The following MCC variants were observed in gnomAD, a reference collection of about 807,000 sequenced individuals.
MCC encodes MCC regulator of Wnt signaling pathway.
In MCC, 90 loss-of-function variants were observed where a neutral mutation model predicts 116.2. The observed-to-expected ratio is 0.77, with a 90% confidence interval of 0.65 to 0.92. The LOEUF (loss-of-function observed/expected upper bound fraction) is 0.92, where lower values mean the gene tolerates loss of function less well. MCC is among the 40% of genes least tolerant of loss of function. The pLI is 0.00. For missense variants in MCC, 1,516 were observed against 1,312.2 expected (o/e 1.16, Z -2.40); for synonymous variants, 578 against 510.5 (o/e 1.13, Z -1.78).
At chr5:113,416,319 T>G (rs1770146237) in intron 1 of MCC, among the ~76,000 whole-genome samples, 1 of 152,148 alleles carries the variant, frequency 6.6e-6, no homozygotes, top group Non-Finnish European at 1.5e-5. Context: ...CTCAGGAGAC[T>G]GAAACAGGAG....
chr5:113,411,421 GT>G (rs945042164), intron 1 of MCC, among the ~76,000 whole-genome samples: 1 of 152,130 alleles, frequency 6.6e-6, no homozygotes, highest in African/African-American at 2.4e-5. Flanking sequence ...AGAAGTGTCT[GT>G]TCATATCCTT....
chr5:113,254,477 TGA>T (rs1227727271), intron 3 of MCC, among the ~76,000 whole-genome samples: 3 of 152,172 alleles, frequency 2.0e-5, no homozygotes, highest in Non-Finnish European at 4.4e-5. Flanking sequence ...ATTATAGTTT[TGA>T]GAGAATGAAG....
intron 3 of MCC, among the ~76,000 whole-genome samples, chr5:113,311,744 G>A (rs983597691): frequency 5.9e-5 from 9 of 151,916 alleles, no homozygotes; most frequent in Admixed American, 5.2e-4. Flanking sequence ...AGGCTGAGGC[G>A]GGTGGATCAC....
intron 3 of MCC, among the ~76,000 whole-genome samples, chr5:113,320,320 G>A (rs1334920671): frequency 6.6e-6 from 1 of 152,038 alleles, no homozygotes; most frequent in African/African-American, 2.4e-5. Context: ...AGCAGAGAGG[G>A]TAAGGGATCC....
chr5:113,463,941 C>T (rs1418119563), intron 1 of MCC, among the ~76,000 whole-genome samples: 2 of 152,020 alleles, frequency 1.3e-5, no homozygotes, highest in Non-Finnish European at 2.9e-5. Context: ...AAGGAATGAG[C>T]CAAAGAGGTG....
At chr5:113,221,371 C>A (rs1763546279) in intron 3 of MCC, among the ~76,000 whole-genome samples, 1 of 152,212 alleles carries the variant, frequency 6.6e-6, no homozygotes, top group Non-Finnish European at 1.5e-5. Context: ...TTCCTGGGCA[C>A]AGGACAAACT....
intron 3 of MCC, among the ~76,000 whole-genome samples, chr5:113,233,247 G>A (rs1253503063): frequency 1.3e-5 from 2 of 152,164 alleles, no homozygotes; most frequent in African/African-American, 4.8e-5. Context: ...GCAAATGTAT[G>A]TAACACCTAC....
intron 5 of MCC, among the ~76,000 whole-genome samples, chr5:113,124,993 G>A (rs866933899): frequency 6.6e-6 from 1 of 152,198 alleles, no homozygotes; most frequent in Admixed American, 6.5e-5. Flanking sequence ...TCACAAGTGT[G>A]GAATAGCACA....
At chr5:113,266,865 G>T (rs17135519) in intron 3 of MCC, among the ~76,000 whole-genome samples, 15,981 of 151,954 alleles carry the variant, frequency 0.11, 1,302 homozygotes, top group Admixed American at 0.25. Context: ...CAGGCTCAAG[G>T]GAACACAATG....
chr5:113,434,764 CT>C lies in MCC; in HGVS notation c.171-49553del, dbSNP rs763228867. 2 of 1,614,028 alleles carry C rather than the reference CT, an allele frequency of 1.2e-6. No homozygotes were observed. The highest frequency in any genetic ancestry group is 1.7e-6 in the Non-Finnish European group (2 of 1,179,922). The stretch of plus-strand genomic sequence containing the variant: ...AGGCGCTCAGAGTAAGCAGATTTTA[CT>C]TTTGCATAGGAGCCCTCTCCTAAAT... On this transcript the variant is annotated intron_variant, in intron 1 of 18. Transcript: ENST00000408903. The surrounding 1 kb of genome is among the most constrained non-coding windows in gnomAD (Gnocchi z 4.2).
intron 1 of MCC, among the ~76,000 whole-genome samples, chr5:113,450,207 G>T (rs930728224): frequency 2.0e-5 from 3 of 147,988 alleles, no homozygotes; most frequent in African/African-American, 8.0e-5. Context: ...AAACTGAGTT[G>T]GAGAGAAATA....
intron 3 of MCC, among the ~76,000 whole-genome samples, chr5:113,313,809 G>A (rs1288955485): frequency 6.7e-6 from 1 of 148,574 alleles, no homozygotes; most frequent in Non-Finnish European, 1.5e-5. Context: ...TCTGTTTTTT[G>A]TTTTGTTTTG....
At chr5:113,184,530 G>A (rs944492064) in intron 3 of MCC, among the ~76,000 whole-genome samples, 4 of 134,278 alleles carry the variant, frequency 3.0e-5, no homozygotes, top group African/African-American at 1.1e-4. Flanking sequence ...GCTCAGTGCT[G>A]AGATCATGGC....
chr5:113,160,464 GGTAGTGCT>G (rs1237491718), intron 3 of MCC, among the ~76,000 whole-genome samples: 1 of 152,196 alleles, frequency 6.6e-6, no homozygotes, highest in African/African-American at 2.4e-5. Flanking sequence ...TTATGAGATG[GGTAGTGCT>G]GTTATCTCCA....
chr5:113,326,724 T>G (rs1263413020), intron 3 of MCC, among the ~76,000 whole-genome samples: 1 of 152,220 alleles, frequency 6.6e-6, no homozygotes, highest in South Asian at 2.1e-4. Context: ...ACACTCTCTG[T>G]GTTATCTTCA....
chr5:113,236,713 C>T (rs1764144155), intron 3 of MCC, among the ~76,000 whole-genome samples: 1 of 152,074 alleles, frequency 6.6e-6, no homozygotes, highest in African/African-American at 2.4e-5. Flanking sequence ...AGCTGAACAC[C>T]TAGGTTAGGG....
At chr5:113,277,574 C>T (rs1765876955) in intron 3 of MCC, among the ~76,000 whole-genome samples, 1 of 152,016 alleles carries the variant, frequency 6.6e-6, no homozygotes, top group African/African-American at 2.4e-5. Context: ...TTCTTAAAAA[C>T]AATTTTAAAA....
chr5:113,218,473 G>A (rs1208171742), intron 3 of MCC, among the ~76,000 whole-genome samples: 1 of 152,196 alleles, frequency 6.6e-6, no homozygotes, highest in East Asian at 1.9e-4. Context: ...GGCAGAAGGT[G>A]GGTCAGAATA....
chr5:113,038,108 C>T (rs914860166), intron 17 of MCC, among the ~76,000 whole-genome samples: 2 of 151,990 alleles, frequency 1.3e-5, no homozygotes, highest in Non-Finnish European at 2.9e-5. Context: ...GACCTGCTGA[C>T]GAGAGGTAGG....
Sources: allele counts gnomAD v4.1 joint callset (sites outside exome capture counted in the v4.1 genomes callset), GRCh38; gene constraint gnomAD v4.1.1; non-coding constraint Gnocchi (gnomAD v3.1); transcripts MANE v1.5; gene names NCBI Gene and HGNC (gene_info 2026-07-23, HGNC 2026-07-21).